FCN2: variants seen among roughly 807,000 people sequenced by gnomAD.
The protein encoded by FCN2 is ficolin 2, also known as ficolin-2.
FCN2 carries 31 observed loss-of-function variants against 32.5 expected under a neutral mutation model. The ratio of observed to expected loss-of-function variants is 0.96; its 90% CI spans 0.72 to 1.29. The LOEUF (loss-of-function observed/expected upper bound fraction) is 1.29, where lower values mean the gene tolerates loss of function less well. FCN2 is among the 50% of genes most tolerant of loss of function. The pLI, the probability that FCN2 is intolerant of heterozygous loss-of-function variation, is 0.00. For synonymous variants in FCN2, 181 were observed against 164.5 expected, an observed-to-expected ratio of 1.10 and a Z score of -0.77; for missense variants, 412 against 406.5, an observed-to-expected ratio of 1.01 and a Z score of -0.12.
At chr9:134,883,113 C>T (rs138114193) in intron 2 of FCN2, among the ~76,000 whole-genome samples, 189 bp from the exon 3 acceptor site, 12 of 152,226 alleles carry the variant, frequency 7.9e-5, no homozygotes, top group Non-Finnish European at 1.5e-4. Context: ...AGGAGAGCCC[C>T]GTGAGGCCTG....
At chr9:134,864,398 G>A in the FCN2 span, among the ~76,000 whole-genome samples, 2 of 152,224 alleles carry the variant, frequency 1.3e-5, no homozygotes, top group African/African-American at 2.4e-5. Context: ...AGCCTGTGGG[G>A]CCTGCGGAAG....
chr9:134,885,027 G>A (rs1265477059), intron 4 of FCN2, among the ~76,000 whole-genome samples: 5 of 152,220 alleles, frequency 3.3e-5, no homozygotes, highest in African/African-American at 9.6e-5. Context: ...TGAAGGTGGG[G>A]GTGACACTGG....
At chr9:134,878,604 A>T (rs1458241330), upstream of FCN2, among the ~76,000 whole-genome samples, 4 of 152,210 alleles carry the variant, frequency 2.6e-5, no homozygotes, top group Admixed American at 6.5e-5. Flanking sequence ...ACACTTAGGG[A>T]GGCCAAGGTG....
intron 7 of FCN2, among the ~76,000 whole-genome samples, chr9:134,886,786 T>C (rs535481833): frequency 1.3e-5 from 2 of 152,010 alleles, no homozygotes; most frequent in East Asian, 3.9e-4. Flanking sequence ...GGGCATCTGG[T>C]AGGAAGGAAG....
chr9:134,873,887 GTT>G, the FCN2 span, among the ~76,000 whole-genome samples: 2 of 4,920 alleles, frequency 4.1e-4, no homozygotes, highest in African/African-American at 2.8e-3. Flanking sequence ...TTGTTTGTTT[GTT>G]TTGTTTTTTG....
intron 3 of FCN2, among the ~76,000 whole-genome samples, chr9:134,884,428 G>A (rs1421956837): frequency 6.6e-6 from 1 of 152,162 alleles, no homozygotes; most frequent in South Asian, 2.1e-4. Context: ...TGCAGGCCTT[G>A]GGGCCTCAGG....
chr9:134,879,504 G>A (rs1305803826), upstream of FCN2, among the ~76,000 whole-genome samples: 2 of 152,100 alleles, frequency 1.3e-5, no homozygotes, highest in Non-Finnish European at 2.9e-5. Context: ...CTCTGCAGGT[G>A]ACTTCAGGAC....
the FCN2 span, among the ~76,000 whole-genome samples, chr9:134,871,283 G>C: frequency 6.6e-6 from 1 of 152,154 alleles, no homozygotes; most frequent in Non-Finnish European, 1.5e-5. Context: ...TGTGGTTTTC[G>C]GGGCCTGTGG....
intron 1 of FCN2, among the ~76,000 whole-genome samples, chr9:134,881,742 C>T (rs368492358): frequency 7.9e-5 from 12 of 152,226 alleles, no homozygotes; most frequent in East Asian, 5.8e-4. Context: ...CCAGGAACAG[C>T]GGGGATTCGC....
the FCN2 span, among the ~76,000 whole-genome samples, chr9:134,874,169 G>T: frequency 6.6e-6 from 1 of 152,120 alleles, no homozygotes; most frequent in African/African-American, 2.4e-5. Context: ...GCCCAGCTTG[G>T]CCTCCCAAAG....
the FCN2 span, among the ~76,000 whole-genome samples, chr9:134,872,707 C>T: frequency 6.6e-6 from 1 of 152,138 alleles, no homozygotes; most frequent in Non-Finnish European, 1.5e-5. Flanking sequence ...ATCACGAGAA[C>T]AGCACGAGAA....
At chr9:134,886,077 T>C (rs1394579145) in intron 6 of FCN2, among the ~76,000 whole-genome samples, 180 bp downstream of exon 6, 1 of 152,064 alleles carries the variant, frequency 6.6e-6, no homozygotes, top group Non-Finnish European at 1.5e-5. Flanking sequence ...TCTGGCAGCA[T>C]CGGGACGGGA....
At position 134,883,366 on chromosome 9, in the gene FCN2, G is replaced by GA. The variant is rs1564206921; in HGVS notation, c.268+12dup. ...CACCTGGGCCCAACGGTAAGGAGGGGACAAGAGTGAGAAGCGGCTTCAAGG... is the reference window on the plus strand; with the variant it reads ...CACCTGGGCCCAACGGTAAGGAGGGGAACAAGAGTGAGAAGCGGCTTCAAGG... On this transcript the variant is annotated intron_variant, in intron 3 of 7. Transcript: ENST00000291744. 1 of 1,610,188 alleles carries GA rather than the reference G, an allele frequency of 6.2e-7. No homozygotes were observed. Among genetic ancestry groups the GA allele is most frequent in the Non-Finnish European group, 8.5e-7 (1 of 1,176,942 alleles).
the FCN2 span, among the ~76,000 whole-genome samples, chr9:134,873,151 T>G: frequency 1.3e-5 from 2 of 150,548 alleles, no homozygotes; most frequent in South Asian, 4.2e-4. Context: ...TTACTGAGTT[T>G]GAAGAGTTAT....
chr9:134,885,650 G>C, intron 5 of FCN2, 118 bp from the exon 6 acceptor site: 2 of 1,410,470 alleles, frequency 1.4e-6, no homozygotes, highest in Admixed American at 3.6e-5. Flanking sequence ...GGGCGTGCTG[G>C]TGACCCCGCC....
At chr9:134,873,049 G>A in the FCN2 span, among the ~76,000 whole-genome samples, 1 of 151,820 alleles carries the variant, frequency 6.6e-6, no homozygotes, top group African/African-American at 2.4e-5. Flanking sequence ...CTTTTCATGG[G>A]CTTATTTGCT....
chr9:134,887,456 T>G lies in FCN2; in HGVS notation c.*41T>G, dbSNP rs771139642. ...GGGTCAGGACGCCTCCACACATAGT[T>G]GGTTGGGGGGTAGGGTTGGGAGCTT... On this transcript the variant is annotated 3_prime_UTR_variant, in exon 8 of 8. Transcript: ENST00000291744. The G allele has an allele frequency of 1.8e-5, 29 of 1,596,240 alleles. No individual in the cohort carries two copies. Among genetic ancestry groups the G allele is most frequent in the Non-Finnish European group, 2.3e-5 (27 of 1,165,210 alleles).
At chr9:134,872,194 C>T in the FCN2 span, among the ~76,000 whole-genome samples, 6 of 152,120 alleles carry the variant, frequency 3.9e-5, no homozygotes, top group African/African-American at 7.2e-5. Context: ...AGTCGTACCC[C>T]GTGTGTGGAT....
intron 3 of FCN2, 133 bp from the exon 4 acceptor site, chr9:134,884,607 C>G: frequency 2.3e-6 from 2 of 880,822 alleles, no homozygotes. Context: ...GAACCAGGGT[C>G]AGGGACTCCT....
Sources: gnomAD v4.1 joint callset for allele counts (sites outside exome capture counted in the v4.1 genomes callset) on GRCh38, gnomAD v4.1.1 for gene constraint, MANE v1.5 for transcripts, NCBI Gene and HGNC (gene_info 2026-07-23, HGNC 2026-07-21) for gene names.